The following ANO1 variants were observed in gnomAD, a reference collection of about 807,000 sequenced individuals.
The protein encoded by ANO1 is anoctamin 1, also known as anoctamin-1.
In ANO1, 59 loss-of-function variants were observed where a neutral mutation model predicts 124.0. That is an observed-to-expected ratio of 0.48 (90% CI 0.39 to 0.59). The LOEUF (loss-of-function observed/expected upper bound fraction) is 0.59. ANO1 is among the 20% of genes least tolerant of loss of function. The pLI is 0.00. For synonymous variants in ANO1, 529 were observed against 532.0 expected, an observed-to-expected ratio of 0.99 and a Z score of 0.08; for missense variants, 1,059 against 1,328.0, an observed-to-expected ratio of 0.80 and a Z score of 3.15.
intron 11 of ANO1, among the ~76,000 whole-genome samples, chr11:70,136,739 G>A (rs1031068642): frequency 3.4e-5 from 5 of 148,036 alleles, no homozygotes; most frequent in Non-Finnish European, 7.5e-5. Context: ...AGCAGTGTGA[G>A]GGACAGGTCT....
At chr11:70,015,990 G>A (rs1856696085) in intron 1 of ANO1, among the ~76,000 whole-genome samples, 1 of 151,840 alleles carries the variant, frequency 6.6e-6, no homozygotes, top group South Asian at 2.1e-4. Flanking sequence ...ACGATGAACT[G>A]CTTGGCTTCC....
At chr11:70,033,931 A>G (rs1256879977) in intron 1 of ANO1, among the ~76,000 whole-genome samples, 1 of 151,932 alleles carries the variant, frequency 6.6e-6, no homozygotes, top group Non-Finnish European at 1.5e-5. Context: ...TGCTGTCACT[A>G]TCTTGAAATA....
chr11:69,977,385 A>G, the ANO1 span, among the ~76,000 whole-genome samples: 3 of 152,004 alleles, frequency 2.0e-5, no homozygotes, highest in Non-Finnish European at 4.4e-5. Flanking sequence ...CCCACCCACA[A>G]CCCCAAGCTC....
At chr11:70,145,318 G>T (rs1306565507) in intron 11 of ANO1, among the ~76,000 whole-genome samples, 1 of 152,196 alleles carries the variant, frequency 6.6e-6, no homozygotes. Context: ...AATAGGGCAT[G>T]GTGGGGTCTG....
chr11:69,973,840 C>G, the ANO1 span, among the ~76,000 whole-genome samples: 2 of 151,282 alleles, frequency 1.3e-5, no homozygotes, highest in Admixed American at 6.6e-5. Flanking sequence ...CCACTGCACT[C>G]CAGCCTGAGT....
the ANO1 span, among the ~76,000 whole-genome samples, chr11:69,978,240 C>A: frequency 5.3e-5 from 8 of 152,192 alleles, no homozygotes; most frequent in Admixed American, 2.6e-4. Context: ...ACCTCGGGTC[C>A]GACGAAAACA....
intron 22 of ANO1, among the ~76,000 whole-genome samples, chr11:70,179,264 CATG>C (rs2048848056): frequency 6.6e-6 from 1 of 152,216 alleles, no homozygotes; most frequent in South Asian, 2.1e-4. Context: ...CATTGCTGGG[CATG>C]ATAGGGTGCA....
intron 1 of ANO1, among the ~76,000 whole-genome samples, chr11:70,003,666 G>A (rs892599849): frequency 4.6e-5 from 7 of 152,052 alleles, no homozygotes; most frequent in Non-Finnish European, 1.0e-4. Flanking sequence ...TAGATGAATG[G>A]AATGGGTGGA....
At chr11:69,980,876 A>AC in the ANO1 span, among the ~76,000 whole-genome samples, 2 of 152,008 alleles carry the variant, frequency 1.3e-5, no homozygotes, top group East Asian at 3.9e-4. Flanking sequence ...ACATGGTGAA[A>AC]CCCCGTCTCT....
At chr11:70,065,799 G>A (rs536116727) in intron 1 of ANO1, among the ~76,000 whole-genome samples, 1 of 152,158 alleles carries the variant, frequency 6.6e-6, no homozygotes, top group Non-Finnish European at 1.5e-5. Context: ...TGCCTGCAAT[G>A]TTCCTCCCCA....
chr11:69,970,216 G>A, the ANO1 span, among the ~76,000 whole-genome samples: 2 of 152,184 alleles, frequency 1.3e-5, no homozygotes, highest in Non-Finnish European at 2.9e-5. Flanking sequence ...CCCCAAAGAG[G>A]TGAGGCTCCA....
rs1857326837 is a variant in ANO1, at chr11:70,050,001, G to A, written c.59-28541G>A. Reference sequence around the variant, plus strand: ...CTCCCAAAGCTGGGATTACAGGCGTGAGCCATCACGCCCAGCTGCTGTCTG... The same window carrying A: ...CTCCCAAAGCTGGGATTACAGGCGTAAGCCATCACGCCCAGCTGCTGTCTG... On this transcript the variant is annotated intron_variant, in intron 1 of 27. Coordinates refer to the ANO1 transcript ENST00000531349. Among the ~76,000 whole-genome samples, 3 of 152,246 alleles carry A rather than the reference G, an allele frequency of 2.0e-5. No individual in the cohort carries two copies. The South Asian group carries it at 6.2e-4, about 32-fold the overall frequency.
intron 1 of ANO1, among the ~76,000 whole-genome samples, chr11:70,079,439 C>T (rs775968574): frequency 4.0e-4 from 61 of 152,188 alleles, no homozygotes; most frequent in Non-Finnish European, 6.3e-4. Context: ...CCTGAGGTCC[C>T]CAATATCCCC....
At chr11:70,077,984 G>A (rs758008994), upstream of ANO1, among the ~76,000 whole-genome samples, 18 of 151,634 alleles carry the variant, frequency 1.2e-4, no homozygotes, top group Non-Finnish European at 2.5e-4. Context: ...TGCCAGGGTG[G>A]AGGGAAAGGG....
At chr11:69,979,893 G>A in the ANO1 span, among the ~76,000 whole-genome samples, 3 of 152,146 alleles carry the variant, frequency 2.0e-5, no homozygotes, top group African/African-American at 7.2e-5. Context: ...GGTCCATCAT[G>A]CCTCCATAGC....
At chr11:70,151,162 G>A (rs1400750275) in intron 12 of ANO1, among the ~76,000 whole-genome samples, 1 of 152,250 alleles carries the variant, frequency 6.6e-6, no homozygotes, top group Non-Finnish European at 1.5e-5. Context: ...GGGTCTCAAT[G>A]GATCAATAGA....
At chr11:70,003,886 C>T (rs554438170) in intron 1 of ANO1, among the ~76,000 whole-genome samples, 1 of 152,258 alleles carries the variant, frequency 6.6e-6, no homozygotes, top group South Asian at 2.1e-4. Flanking sequence ...TAGTGTGAGG[C>T]TGCTATATCC....
chr11:70,010,179 G>GTGTATGTATATA, intron 1 of ANO1, among the ~76,000 whole-genome samples: 1 of 83,776 alleles, frequency 1.2e-5, no homozygotes, highest in Non-Finnish European at 2.4e-5. Flanking sequence ...GTGTGTGTGT[G>GTGTATGTATATA]TATATATATA....
chr11:70,016,544 C>G (rs1856706796), intron 1 of ANO1: 1 of 152,312 alleles, frequency 6.6e-6, no homozygotes, highest in Non-Finnish European at 1.5e-5. Flanking sequence ...GCCTGGGATG[C>G]TGCGGATGGG....
Sources: gnomAD v4.1 joint callset for allele counts (sites outside exome capture counted in the v4.1 genomes callset) on GRCh38, gnomAD v4.1.1 for gene constraint, MANE v1.5 for transcripts, NCBI Gene and HGNC (gene_info 2026-07-23, HGNC 2026-07-21) for gene names.